GRK1: variants seen among roughly 807,000 people sequenced by gnomAD.
The protein encoded by GRK1 is G protein-coupled receptor kinase 1, also known as rhodopsin kinase GRK1.
A neutral mutation model predicts 41.7 loss-of-function variants in GRK1; 28 were observed. The observed-to-expected ratio is 0.67, with a 90% confidence interval of 0.50 to 0.92. GRK1 has a LOEUF of 0.92. Among genes scored for constraint, GRK1 ranks in the 40% least tolerant of loss-of-function variants. The pLI, the probability that GRK1 is intolerant of heterozygous loss-of-function variation, is 0.00. For synonymous variants in GRK1, 327 were observed against 286.7 expected (o/e 1.14, Z -1.42); for missense variants, 703 against 671.2 (o/e 1.05, Z -0.52).
chr13:113,668,761 C>T (rs1181463656), intron 1 of GRK1, among the ~76,000 whole-genome samples: 6 of 152,256 alleles, frequency 3.9e-5, no homozygotes, highest in African/African-American at 1.4e-4. Flanking sequence ...TCTCCTGAGC[C>T]AGCCCCCTGC....
chr13:113,728,255 GAGT>G (rs762828349), intron 4 of GRK1, among the ~76,000 whole-genome samples: 3 of 42,228 alleles, frequency 7.1e-5, no homozygotes, highest in African/African-American at 1.3e-4. Flanking sequence ...TGGCGATGAG[GAGT>G]ACCCATGGCG....
At position 113,735,543 on chromosome 13, in the gene GRK1, G is replaced by T; in HGVS notation, c.*180G>T. 1 of 607,944 alleles carries T rather than the reference G, an allele frequency of 1.6e-6. No homozygotes were observed. Among genetic ancestry groups the T allele is most frequent in the Non-Finnish European group, 2.6e-6 (1 of 377,468 alleles). The allele number at this position is 607,944 out of a possible 1,614,324, so 37.7% of individuals were successfully genotyped here. On this transcript the variant is annotated 3_prime_UTR_variant, in exon 7 of 7. Coordinates refer to ENST00000335678, the MANE Select transcript of GRK1 (RefSeq NM_002929.3). ...GAGAAAGCCCACATCGGCCTGAGCC[G>T]CCAGACGCACATGCTGGTGCCGTGA...
the GRK1 span, chr13:113,653,530 C>A: frequency 9.3e-7 from 1 of 1,078,894 alleles, no homozygotes; most frequent in Non-Finnish European, 1.4e-6. Context: ...GAGGCGGTGG[C>A]CCAACCCAGG....
chr13:113,670,863 G>A (rs904965816), intron 2 of GRK1, among the ~76,000 whole-genome samples: 1 of 152,106 alleles, frequency 6.6e-6, no homozygotes, highest in Admixed American at 6.5e-5. Context: ...CCAGGAGGAG[G>A]GGAGGGGTGC....
Position 113,732,429 on chromosome 13 carries a change from GC to G in GRK1, c.1195-453del, listed in dbSNP as rs560330589. Among the ~76,000 whole-genome samples the G allele has an allele frequency of 3.6e-3, 553 of 152,356 alleles. 2 individuals carry two copies. The highest frequency in any genetic ancestry group is 5.5e-3 in the Non-Finnish European group (377 of 68,030). On this transcript the variant is annotated intron_variant, in intron 5 of 6. Coordinates refer to ENST00000335678, the MANE Select transcript of GRK1 (RefSeq NM_002929.3). Reference sequence around the variant, plus strand: ...GTAGCGTCAATGGCCTGATCCGGGGGCCTTGGGGACTGAGCAGCACCCTTCA... The same window carrying G: ...GTAGCGTCAATGGCCTGATCCGGGGGCTTGGGGACTGAGCAGCACCCTTCA...
chr13:113,735,283 G>A lies in GRK1; in HGVS notation c.1612G>A (p.Gly538Ser), dbSNP rs189451166. ...CGAGCTGAACGTGTGGCGCTCGGAC[G>A]GTCAGATGCCGGACGACATGAAGGG... ...FGELNVWRSDGQMPDDMKGIS... is the reference protein window; with the variant it reads ...FGELNVWRSDSQMPDDMKGIS... Residue 538 changes from glycine to serine, a missense_variant, in exon 7 of 7, where the codon GGT becomes AGT. Transcript: ENST00000335678. The A allele has an allele frequency of 2.5e-4, 384 of 1,536,108 alleles. 1 individual carries two copies. The highest frequency in any genetic ancestry group is 2.2e-3 in the East Asian group (90 of 40,878).
chr13:113,732,324 C>T (rs1293610941), intron 5 of GRK1, among the ~76,000 whole-genome samples: 3 of 152,192 alleles, frequency 2.0e-5, no homozygotes, highest in Non-Finnish European at 4.4e-5. Context: ...AGAGTCGTCC[C>T]AGGACCACTA....
chr13:113,734,009 CGT>C (rs1566700595), intron 6 of GRK1, among the ~76,000 whole-genome samples: 27 of 72,872 alleles, frequency 3.7e-4, no homozygotes, highest in African/African-American at 1.8e-3. Flanking sequence ...TGTGCGTGTG[CGT>C]GCATGTGTGT....
chr13:113,733,260 A>G (rs1260784718), intron 6 of GRK1, among the ~76,000 whole-genome samples, 175 bp downstream of exon 6: 1 of 152,152 alleles, frequency 6.6e-6, no homozygotes, highest in Non-Finnish European at 1.5e-5. Context: ...CAGCCCCAGG[A>G]CAAGCCGATG....
intron 1 of GRK1, 97 bp downstream of exon 1, chr13:113,668,182 G>A (rs2049833015): frequency 1.6e-6 from 2 of 1,280,804 alleles, no homozygotes; most frequent in African/African-American, 1.5e-5. Flanking sequence ...CGGCTCCGGG[G>A]CCCTTAACAG....
intron 4 of GRK1, 89 bp downstream of exon 4, chr13:113,723,246 G>T: frequency 1.6e-6 from 1 of 621,454 alleles, no homozygotes; most frequent in Non-Finnish European, 3.0e-6. Flanking sequence ...GCACATACAT[G>T]TGAGTTTGTG....
chr13:113,727,265 A>T (rs1363293575), intron 4 of GRK1, among the ~76,000 whole-genome samples: 1 of 152,264 alleles, frequency 6.6e-6, no homozygotes, highest in African/African-American at 2.4e-5. Context: ...GGGAGGGCCC[A>T]GAGCTCATGG....
intron 6 of GRK1, among the ~76,000 whole-genome samples, chr13:113,733,813 ACGTGTGTG>A (rs1566700025): frequency 2.9e-5 from 2 of 68,766 alleles, no homozygotes; most frequent in East Asian, 4.3e-4. Context: ...CTGTGTGCAT[ACGTGTGTG>A]CGTGTGTGTG....
At chr13:113,733,791 G>GTA (rs2049967781) in intron 6 of GRK1, among the ~76,000 whole-genome samples, 5 of 137,788 alleles carry the variant, frequency 3.6e-5, no homozygotes, top group African/African-American at 1.3e-4. Context: ...GTGTGCATGT[G>GTA]TGTATGTGTA....
Position 113,668,095 on chromosome 13 carries a change from G to A in GRK1, c.699+10G>A, listed in dbSNP as rs767300804. The A allele has an allele frequency of 9.2e-5, 147 of 1,594,026 alleles. No individual in the cohort carries two copies. Among genetic ancestry groups the A allele is most frequent in the Non-Finnish European group, 1.2e-4 (138 of 1,171,202 alleles). On this transcript the variant is annotated intron_variant, in intron 1 of 6. Transcript: ENST00000335678. ...GAGGAAGGGCTACCAGGTGAGCAGC[G>A]CGACCCGGCCAGCAGGGATGGGGTG...
At chr13:113,653,683 T>C in the GRK1 span, among the ~76,000 whole-genome samples, 2 of 152,204 alleles carry the variant, frequency 1.3e-5, no homozygotes, top group Non-Finnish European at 2.9e-5. Flanking sequence ...GGGGGGTGGC[T>C]GGCTCTCTCC....
chr13:113,657,948 C>T, the GRK1 span: 3 of 1,158,952 alleles, frequency 2.6e-6, no homozygotes, highest in Admixed American at 6.7e-5. Context: ...GGGCCCTCTG[C>T]TCCCCTCCTC....
At chr13:113,733,955 CATACGTGTGTGT>C (rs1416596519) in intron 6 of GRK1, among the ~76,000 whole-genome samples, 2 of 119,878 alleles carry the variant, frequency 1.7e-5, no homozygotes, top group Non-Finnish European at 3.4e-5. Context: ...CGTGTGTGTG[CATACGTGTGTGT>C]GCGTGTGTGC....
rs2049824089 is a variant in GRK1, at chr13:113,667,236, C to T, written c.-151C>T. 2 of 779,108 alleles carry T rather than the reference C, an allele frequency of 2.6e-6. No individual in the cohort carries two copies. Among genetic ancestry groups the T allele is most frequent in the South Asian group, 2.0e-5 (1 of 49,214 alleles). The allele number at this position is 779,108 out of a possible 1,614,324, so 48.3% of individuals were successfully genotyped here. On this transcript the variant is annotated 5_prime_UTR_variant, in exon 1 of 7. Coordinates refer to ENST00000335678, the MANE Select transcript of GRK1 (RefSeq NM_002929.3). The surrounding 1 kb of genome is among the most constrained non-coding windows in gnomAD (Gnocchi z 7.5). Reference sequence around the variant, plus strand: ...GGCTTCCCAGTGGTCCCCAGGAACCCTCGACAGGGCCAGGGCGTCTCTCTC... The same window carrying T: ...GGCTTCCCAGTGGTCCCCAGGAACCTTCGACAGGGCCAGGGCGTCTCTCTC...
Sources: gnomAD v4.1 joint callset for allele counts (sites outside exome capture counted in the v4.1 genomes callset) on GRCh38, gnomAD v4.1.1 for gene constraint, Gnocchi (gnomAD v3.1) non-coding constraint, MANE v1.5 for transcripts, NCBI Gene and HGNC (gene_info 2026-07-23, HGNC 2026-07-21) for gene names.